The following FSTL3 variants were observed in gnomAD, a reference collection of about 807,000 sequenced individuals.
FSTL3 encodes follistatin-related protein 3.
FSTL3 carries 21 observed loss-of-function variants against 28.1 expected under a neutral mutation model. That is an observed-to-expected ratio of 0.75 (90% CI 0.53 to 1.08). The LOEUF is 1.08. Among genes scored for constraint, FSTL3 ranks in the 50% least tolerant of loss-of-function variants. FSTL3 has a pLI of 0.00. For synonymous variants in FSTL3, 199 were observed against 164.2 expected (o/e 1.21, Z -1.62); for missense variants, 400 against 380.9 (o/e 1.05, Z -0.42).
chr19:676,823 GA>G (rs2031221170), intron 1 of FSTL3, among the ~76,000 whole-genome samples: 3 of 152,298 alleles, frequency 2.0e-5, no homozygotes, highest in Admixed American at 2.0e-4. Flanking sequence ...TCCAGATGGG[GA>G]AACTGAGGCT....
At chr19:681,061 C>T (rs60378022) in intron 3 of FSTL3, among the ~76,000 whole-genome samples, 16,414 of 141,600 alleles carry the variant, frequency 0.12, 962 homozygotes, top group Non-Finnish European at 0.13. Flanking sequence ...TGGGCGGCCC[C>T]GCAGTCGCGG....
chr19:677,739 G>A, intron 1 of FSTL3, 53 bp from the exon 2 acceptor site: 1 of 1,521,978 alleles, frequency 6.6e-7, no homozygotes, highest in Non-Finnish European at 8.8e-7. Context: ...GGGCGGGCCA[G>A]AAGCTGGGTG....
At chr19:677,640 G>C in intron 1 of FSTL3, 152 bp from the exon 2 acceptor site, 1 of 717,380 alleles carries the variant, frequency 1.4e-6, no homozygotes, top group East Asian at 2.8e-5. Context: ...GCCAGGGTGG[G>C]GACACCCATG....
intron 2 of FSTL3, among the ~76,000 whole-genome samples, chr19:679,585 T>C (rs1452497973): frequency 6.6e-6 from 1 of 152,184 alleles, no homozygotes; most frequent in Non-Finnish European, 1.5e-5. Flanking sequence ...ATCTGTAAAA[T>C]GATGACTTGG....
intron 1 of FSTL3, 39 bp from the exon 2 acceptor site, chr19:677,753 G>A: frequency 2.6e-6 from 4 of 1,560,568 alleles, no homozygotes; most frequent in Non-Finnish European, 3.5e-6. Context: ...CTGGGTGTCA[G>A]GAGTGGCCCA....
intron 2 of FSTL3, among the ~76,000 whole-genome samples, chr19:679,109 C>G (rs1265643567): frequency 1.3e-5 from 2 of 152,240 alleles, no homozygotes; most frequent in Admixed American, 1.3e-4. Flanking sequence ...AGACCCCCCT[C>G]TGGCTTCTGG....
At position 681,377 on chromosome 19, in the gene FSTL3, G is replaced by T. The variant is rs766291989; in HGVS notation, c.550G>T (p.Val184Leu). 2 of 1,590,792 alleles carry T rather than the reference G, an allele frequency of 1.3e-6. No homozygotes were observed. Among genetic ancestry groups the T allele is most frequent in the Non-Finnish European group, 1.7e-6 (2 of 1,175,904 alleles). Residue 184 changes from valine (V) to leucine (L), a missense_variant, in exon 4 of 5, where the codon GTG (valine) becomes TTG (leucine). Coordinates refer to ENST00000166139, the MANE Select transcript of FSTL3 (RefSeq NM_005860.3). Reference sequence around the variant, plus strand: ...GTGCCCGCGGCCACAGTCGTGCGTCGTGGACCAGACGGGCAGCGCCCACTG... The same window carrying T: ...GTGCCCGCGGCCACAGTCGTGCGTCTTGGACCAGACGGGCAGCGCCCACTG... Reference protein sequence around the residue: ...VVCPRPQSCVVDQTGSAHCVV... With the variant: ...VVCPRPQSCVLDQTGSAHCVV...
At chr19:678,567 G>C (rs1355524967) in intron 2 of FSTL3, among the ~76,000 whole-genome samples, 1 of 136,158 alleles carries the variant, frequency 7.3e-6, no homozygotes, top group Non-Finnish European at 1.5e-5. Context: ...CTGGAGTGCA[G>C]TGGTGCGATT....
At chr19:678,934 C>T (rs1319943126) in intron 2 of FSTL3, among the ~76,000 whole-genome samples, 1 of 151,938 alleles carries the variant, frequency 6.6e-6, no homozygotes, top group Non-Finnish European at 1.5e-5. Context: ...GAGGTTAGGT[C>T]CTGGTGGGTG....
At chr19:678,324 C>T (rs989275450) in intron 2 of FSTL3, among the ~76,000 whole-genome samples, 1 of 152,188 alleles carries the variant, frequency 6.6e-6, no homozygotes, top group Non-Finnish European at 1.5e-5. Context: ...AATGTCCACA[C>T]CAGGGACCTT....
At chr19:679,871 C>G (rs1032495784) in intron 2 of FSTL3, among the ~76,000 whole-genome samples, 1 of 152,190 alleles carries the variant, frequency 6.6e-6, no homozygotes, top group Admixed American at 6.5e-5. Flanking sequence ...CGGAACACCC[C>G]AGGCTGACGC....
At chr19:678,871 A>G (rs1568202783) in intron 2 of FSTL3, among the ~76,000 whole-genome samples, 1 of 151,870 alleles carries the variant, frequency 6.6e-6, no homozygotes, top group Non-Finnish European at 1.5e-5. Flanking sequence ...GATGTCTAGG[A>G]GTTTGCCAGA....
chr19:677,329 G>A (rs2031235189), intron 1 of FSTL3, among the ~76,000 whole-genome samples: 1 of 152,224 alleles, frequency 6.6e-6, no homozygotes, highest in Non-Finnish European at 1.5e-5. Context: ...GTTGGAGTGA[G>A]TAAGAGGCGG....
At position 681,610 on chromosome 19, in the gene FSTL3, C is replaced by T. The variant is rs1317353435; in HGVS notation, c.734-40C>T. On this transcript the variant is annotated intron_variant, in intron 4 of 4. Coordinates refer to ENST00000166139, the MANE Select transcript of FSTL3 (RefSeq NM_005860.3). The stretch of plus-strand genomic sequence containing the variant: ...GGCCTGTCCTGGGGGCCGGAGAACC[C>T]CCTGCCCTGCGCCCTCAATGCTCTT... The T allele has an allele frequency of 1.9e-6, 3 of 1,592,924 alleles. No individual in the cohort carries two copies. In the South Asian group the frequency reaches 3.4e-5, roughly 18 times the overall value.
chr19:679,095 C>T (rs962475332), intron 2 of FSTL3, among the ~76,000 whole-genome samples: 1 of 152,142 alleles, frequency 6.6e-6, no homozygotes, highest in Non-Finnish European at 1.5e-5. Context: ...CCCCTGCTCC[C>T]TCCAGACCCC....
chr19:676,446 C>T lies in FSTL3; in HGVS notation c.23C>T (p.Pro8Leu). 8.2e-7 allele frequency: 1 copy of T among 1,215,432 alleles called. No homozygotes were observed. The allele number at this position is 1,215,432 out of a possible 1,614,324, so 75.3% of individuals were successfully genotyped here. A position where few individuals can be genotyped will look rare whatever the true frequency, so the allele number is the denominator to read the frequency against. The change falls in exon 1 of 5, where the codon CCA (proline) becomes CTA (leucine). Residue 8 changes from proline to leucine, a missense_variant. Coordinates refer to ENST00000166139, the MANE Select transcript of FSTL3 (RefSeq NM_005860.3). Reference sequence around the variant, plus strand: ...GCCATGCGTCCCGGGGCGCCAGGGCCACTCTGGCCTCTGCCCTGGGGGGCC... The same window carrying T: ...GCCATGCGTCCCGGGGCGCCAGGGCTACTCTGGCCTCTGCCCTGGGGGGCC... MRPGAPGPLWPLPWGALA... is the reference protein window; with the variant it reads MRPGAPGLLWPLPWGALA...
intron 2 of FSTL3, 156 bp downstream of exon 2, chr19:678,133 G>C: frequency 1.5e-6 from 1 of 676,620 alleles, no homozygotes; most frequent in Middle Eastern, 3.2e-4. Context: ...GGACTGGGGG[G>C]ACTTCCCGGT....
intron 1 of FSTL3, among the ~76,000 whole-genome samples, chr19:676,972 G>A (rs951705705): frequency 6.6e-6 from 1 of 152,140 alleles, no homozygotes; most frequent in Non-Finnish European, 1.5e-5. Flanking sequence ...CGGGTCCTGG[G>A]TAGACGGGGC....
At position 678,724 on chromosome 19, in the gene FSTL3, T is replaced by A. The variant is rs1473337387; in HGVS notation, c.289+747T>A. Among the ~76,000 whole-genome samples the A allele has an allele frequency of 2.0e-5, 3 of 152,130 alleles. No homozygotes were observed. In the East Asian group the frequency reaches 5.8e-4, roughly 29 times the overall value. ...CAGGGTTTCACCACATTGGCCAGGC[T>A]GGTCTCAAACTCCTGACCTCAAGTG... On this transcript the variant is annotated intron_variant, in intron 2 of 4. Transcript: ENST00000166139.
Sources: allele counts gnomAD v4.1 joint callset (sites outside exome capture counted in the v4.1 genomes callset), GRCh38; gene constraint gnomAD v4.1.1; transcripts MANE v1.5; gene names NCBI Gene and HGNC (gene_info 2026-07-23, HGNC 2026-07-21).